ATP6V1H: variants seen among roughly 807,000 people sequenced by gnomAD.
The protein encoded by ATP6V1H is V-type proton ATPase subunit H.
ATP6V1H carries 39 observed loss-of-function variants against 71.7 expected under a neutral mutation model. The observed-to-expected ratio is 0.54, with a 90% confidence interval of 0.42 to 0.71. ATP6V1H has a LOEUF of 0.71. Ranked by LOEUF, ATP6V1H falls within the 30% of genes least tolerant of loss-of-function variation. The pLI, the probability that ATP6V1H is intolerant of heterozygous loss-of-function variation, is 0.00. For synonymous variants in ATP6V1H, 192 were observed against 199.3 expected (o/e 0.96, Z 0.31); for missense variants, 509 against 594.9 (o/e 0.86, Z 1.50).
intron 7 of ATP6V1H, among the ~76,000 whole-genome samples, chr8:53,810,633 G>C (rs189097565): frequency 3.3e-5 from 5 of 152,098 alleles, no homozygotes; most frequent in Non-Finnish European, 7.4e-5. Flanking sequence ...CCAGCTACTC[G>C]GGAGGCTGAG....
Position 53,722,585 on chromosome 8 carries a change from G to A in ATP6V1H, c.1392-6561C>T, listed in dbSNP as rs200231982. The stretch of plus-strand genomic sequence containing the variant: ...AATTATATTTAGAAAGACTGAGAGC[G>A]TATGACAGTGGAGATGGTGTCCCAT... On this transcript the variant is annotated intron_variant, in intron 13 of 13. Coordinates refer to ENST00000359530, the MANE Select transcript of ATP6V1H (RefSeq NM_015941.4). 7.2e-5 allele frequency among the ~76,000 whole-genome samples: 11 copies of A among 152,134 alleles called. No homozygotes were observed. In the East Asian group the frequency reaches 1.9e-3, roughly 27 times the overall value.
At chr8:53,823,916 GA>G (rs936704788) in intron 4 of ATP6V1H, among the ~76,000 whole-genome samples, 1 of 149,006 alleles carries the variant, frequency 6.7e-6, no homozygotes, top group African/African-American at 2.5e-5. Flanking sequence ...GTAGAGAAGA[GA>G]AAAACTATAG....
At chr8:53,747,539 T>TC (rs1807650131) in intron 12 of ATP6V1H, among the ~76,000 whole-genome samples, 1 of 150,286 alleles carries the variant, frequency 6.7e-6, no homozygotes, top group African/African-American at 2.5e-5. Context: ...TTTTTTTTTT[T>TC]CCTTTTTTTT....
intron 9 of ATP6V1H, among the ~76,000 whole-genome samples, chr8:53,782,435 T>C (rs1256133261): frequency 2.0e-5 from 3 of 151,964 alleles, no homozygotes; most frequent in Admixed American, 6.6e-5. Context: ...CTTAAGGAGA[T>C]TTTGGGCTGA....
chr8:53,745,443 A>G (rs1423752436), intron 12 of ATP6V1H, among the ~76,000 whole-genome samples: 2 of 152,124 alleles, frequency 1.3e-5, no homozygotes, highest in Non-Finnish European at 2.9e-5. Flanking sequence ...CAAATCCTTA[A>G]AATAGCTGAC....
intron 4 of ATP6V1H, among the ~76,000 whole-genome samples, chr8:53,823,957 A>C (rs1277111013): frequency 6.6e-6 from 1 of 152,034 alleles, no homozygotes; most frequent in Non-Finnish European, 1.5e-5. Context: ...CTGACTCTGA[A>C]AAAAATTAAC....
intron 7 of ATP6V1H, among the ~76,000 whole-genome samples, chr8:53,806,325 T>C (rs1563475326): frequency 6.6e-6 from 1 of 152,098 alleles, no homozygotes; most frequent in Non-Finnish European, 1.5e-5. Flanking sequence ...AAATATACTA[T>C]TATTATCAAT....
chr8:53,759,064 T>G (rs1808172929), intron 11 of ATP6V1H, among the ~76,000 whole-genome samples: 1 of 152,254 alleles, frequency 6.6e-6, no homozygotes. Flanking sequence ...TTAGAAATGC[T>G]GATCACAGAC....
At chr8:53,735,198 A>T (rs528817525) in intron 13 of ATP6V1H, among the ~76,000 whole-genome samples, 2 of 152,236 alleles carry the variant, frequency 1.3e-5, no homozygotes, top group South Asian at 4.2e-4. Context: ...ACAAGTATTT[A>T]CTAGTTCTTG....
chr8:53,739,156 T>G (rs1458376033), intron 13 of ATP6V1H, among the ~76,000 whole-genome samples: 1 of 152,194 alleles, frequency 6.6e-6, no homozygotes, highest in African/African-American at 2.4e-5. Context: ...AATTCTAATT[T>G]AGAAATTAGA....
rs182416438 is a variant in ATP6V1H at position 53,816,665 on chromosome 8, G to A, written c.420+752C>T. Among the ~76,000 whole-genome samples, 330 of 152,136 alleles carry A rather than the reference G, an allele frequency of 2.2e-3. 3 individuals carry two copies. The highest frequency in any genetic ancestry group is 3.4e-3 in the Middle Eastern group (1 of 294). ...ACAAAAATTAGATGGGCGTGGTGGC[G>A]CATGCCTGTAATCCCAGCTACTCAG... On this transcript the variant is annotated intron_variant, in intron 5 of 13. Coordinates refer to ENST00000359530, the MANE Select transcript of ATP6V1H (RefSeq NM_015941.4).
At chr8:53,818,412 T>C (rs1810525248) in intron 4 of ATP6V1H, among the ~76,000 whole-genome samples, 1 of 152,184 alleles carries the variant, frequency 6.6e-6, no homozygotes, top group Non-Finnish European at 1.5e-5. Flanking sequence ...AGATTAACAT[T>C]TAATTATTTT....
chr8:53,762,008 T>C (rs1808288254), intron 11 of ATP6V1H, among the ~76,000 whole-genome samples: 1 of 152,162 alleles, frequency 6.6e-6, no homozygotes, highest in Non-Finnish European at 1.5e-5. Flanking sequence ...CACAGAACTA[T>C]TTATACCGGT....
chr8:53,837,143 TAA>T (rs879911885), intron 2 of ATP6V1H, among the ~76,000 whole-genome samples: 5 of 138,522 alleles, frequency 3.6e-5, no homozygotes, highest in Admixed American at 7.2e-5. Flanking sequence ...CTCCATCTCA[TAA>T]AAAAAAAAAA....
chr8:53,841,512 T>C, intron 2 of ATP6V1H, 66 bp downstream of exon 2: 2 of 1,519,240 alleles, frequency 1.3e-6, no homozygotes, highest in Non-Finnish European at 1.8e-6. Flanking sequence ...CATAGAAGCA[T>C]GACCATGAAA....
At chr8:53,801,949 G>T in intron 7 of ATP6V1H, 53 bp from the exon 8 acceptor site, 1 of 1,470,288 alleles carries the variant, frequency 6.8e-7, no homozygotes, top group South Asian at 1.2e-5. Context: ...AAAGTCATGC[G>T]ATCAGACACA....
chr8:53,769,851 T>G, intron 10 of ATP6V1H, 108 bp from the exon 11 acceptor site: 1 of 933,888 alleles, frequency 1.1e-6, no homozygotes, highest in Non-Finnish European at 1.5e-6. Flanking sequence ...AGACTGACCA[T>G]CCTTTGTACA....
chr8:53,751,960 G>A (rs1170729260), intron 12 of ATP6V1H, among the ~76,000 whole-genome samples: 2 of 152,154 alleles, frequency 1.3e-5, no homozygotes, highest in Non-Finnish European at 2.9e-5. Context: ...GAGCCACTGT[G>A]CCCGGCCAAT....
Position 53,813,890 on chromosome 8 carries a change from C to T in ATP6V1H, c.525+772G>A, listed in dbSNP as rs571961120. ...CTGTGAAATTGTGAGAACGAGCCAC[C>T]GTGTGGGACAGTGTCCTTTCACAGC... On this transcript the variant is annotated intron_variant, in intron 6 of 13. Coordinates refer to ENST00000359530, the MANE Select transcript of ATP6V1H (RefSeq NM_015941.4). 2.2e-3 allele frequency among the ~76,000 whole-genome samples: 334 copies of T among 152,280 alleles called. 2 individuals carry two copies. The highest frequency in any genetic ancestry group is 7.8e-3 in the African/African-American group (323 of 41,562).
Sources: gnomAD v4.1 joint callset for allele counts (sites outside exome capture counted in the v4.1 genomes callset) on GRCh38, gnomAD v4.1.1 for gene constraint, MANE v1.5 for transcripts, NCBI Gene and HGNC (gene_info 2026-07-23, HGNC 2026-07-21) for gene names.